Variants in CBR4 observed in about 807,000 individuals in gnomAD.
CBR4 encodes carbonyl reductase 4, also known as 3-oxoacyl-[acyl-carrier-protein] reductase.
A neutral mutation model predicts 21.0 loss-of-function variants in CBR4; 22 were observed. The observed-to-expected ratio is 1.05, with a 90% CI of 0.75 to 1.50. The LOEUF (loss-of-function observed/expected upper bound fraction) is 1.50, where lower values mean the gene tolerates loss of function less well. CBR4 is among the 40% of genes most tolerant of loss of function. The probability of loss-of-function intolerance (pLI) is 0.00; values close to 1 mark genes in which losing one functional copy is unlikely to be tolerated. For synonymous variants in CBR4, 100 were observed against 104.4 expected, an observed-to-expected ratio of 0.96 and a Z score of 0.26; for missense variants, 302 against 286.3, an observed-to-expected ratio of 1.05 and a Z score of -0.40.
At chr4:168,975,956 G>A (rs1764359379) in intron 2 of CBR4, among the ~76,000 whole-genome samples, 1 of 152,162 alleles carries the variant, frequency 6.6e-6, no homozygotes, top group East Asian at 1.9e-4. Context: ...TAACCGCACT[G>A]GAGTTATATC....
chr4:168,988,852 T>C lies in CBR4; in HGVS notation c.*1298A>G, dbSNP rs1050178867. ...TGTTATTACTTTGTATTTATTAGTA[T>C]ATCCTATTCATAATTTTGCACTGAC... On this transcript the variant is annotated 3_prime_UTR_variant, in exon 5 of 5. Transcript: ENST00000306193. The C allele has an allele frequency of 1.0e-6, 1 of 957,662 alleles. No homozygotes were observed. Among genetic ancestry groups the C allele is most frequent in the Non-Finnish European group, 1.2e-6 (1 of 804,576 alleles). The allele number at this position is 957,662 out of a possible 1,614,324, so 59.3% of individuals were successfully genotyped here.
At chr4:168,927,201 T>C (rs1762677938) in intron 2 of CBR4, 2 of 230,788 alleles carry the variant, frequency 8.7e-6, no homozygotes, top group Admixed American at 5.7e-5. Flanking sequence ...ATCAGGGGTT[T>C]GGAAGGAGTA....
intron 1 of CBR4, among the ~76,000 whole-genome samples, chr4:169,008,659 G>A (rs1560996328): frequency 6.6e-6 from 1 of 152,100 alleles, no homozygotes; most frequent in Non-Finnish European, 1.5e-5. Flanking sequence ...CTTACTCTTG[G>A]TTTTCACCCG....
chr4:169,009,059 CAAAAAA>C (rs34403282), intron 1 of CBR4: 2 of 360,064 alleles, frequency 5.6e-6, no homozygotes, highest in South Asian at 1.9e-5. Context: ...GAAGCCCTCT[CAAAAAA>C]AAAAAAAAAA....
At chr4:168,944,715 C>A (rs960097427) in intron 2 of CBR4, among the ~76,000 whole-genome samples, 2 of 152,098 alleles carry the variant, frequency 1.3e-5, no homozygotes, top group African/African-American at 4.8e-5. Flanking sequence ...ACAGATAATT[C>A]TTTTCGTGTT....
intron 4 of CBR4, among the ~76,000 whole-genome samples, chr4:169,000,992 G>C (rs1488430007): frequency 6.6e-6 from 1 of 151,680 alleles, no homozygotes; most frequent in Non-Finnish European, 1.5e-5. Context: ...AATTTTTATA[G>C]AGACAGGGTC....
chr4:168,924,356 C>T, intron 2 of CBR4: 1 of 1,613,752 alleles, frequency 6.2e-7, no homozygotes, highest in Non-Finnish European at 8.5e-7. Flanking sequence ...ATTGGGAGTG[C>T]CACCACCTCA....
At chr4:169,006,707 G>T in intron 3 of CBR4, 48 bp downstream of exon 3, 1 of 1,449,114 alleles carries the variant, frequency 6.9e-7, no homozygotes, top group Non-Finnish European at 9.5e-7. Flanking sequence ...ATATTTTTAT[G>T]GTATGGTATT....
chr4:168,946,654 T>C (rs1172391429), intron 2 of CBR4, among the ~76,000 whole-genome samples: 1 of 152,250 alleles, frequency 6.6e-6, no homozygotes. Flanking sequence ...TGTTAGCATG[T>C]AACGGGTTTA....
At position 169,010,063 on chromosome 4, in the gene CBR4, T is replaced by A; in HGVS notation, c.27A>T (p.Gly9=). 6.2e-7 allele frequency: 1 copy of A among 1,610,414 alleles called. No homozygotes were observed. The highest frequency in any genetic ancestry group is 8.5e-7 in the Non-Finnish European group (1 of 1,179,402). Residue 9 remains glycine, a synonymous_variant, in exon 1 of 5, where the codon GGA becomes GGT. Transcript: ENST00000306193. ...CAGCTCTGCCAATGCCTCGGGAGCC[T>A]CCAAAAACAGCACACACTTTGTCCA... MDKVCAVF[G]GSRGIGRAVA... is the part of the protein sequence containing the mutation.
At chr4:168,895,020 G>A (rs1007159992) in intron 2 of CBR4, among the ~76,000 whole-genome samples, 1 of 152,164 alleles carries the variant, frequency 6.6e-6, no homozygotes, top group African/African-American at 2.4e-5. Context: ...AATAACTAGT[G>A]AATATTTCCC....
intron 2 of CBR4, among the ~76,000 whole-genome samples, chr4:168,958,113 A>G (rs1763741443): frequency 6.6e-6 from 1 of 152,116 alleles, no homozygotes; most frequent in African/African-American, 2.4e-5. Context: ...AAAAATACAA[A>G]AACTAGCCAG....
chr4:168,948,614 G>A (rs997833906), intron 2 of CBR4, among the ~76,000 whole-genome samples: 1 of 152,058 alleles, frequency 6.6e-6, no homozygotes, highest in African/African-American at 2.4e-5. Context: ...ACCATTTGTT[G>A]AAAAGGGTAT....
In CBR4 at chr4:168,988,680, G is replaced by T; in HGVS notation, c.*1470C>A. On this transcript the variant is annotated 3_prime_UTR_variant, in exon 5 of 5. Transcript: ENST00000306193. ...ATATTACCACGTCTTGCATTTAATA[G>T]ACAATTTGTTTAATGATACTAACTT... The T allele has an allele frequency of 1.0e-6, 1 of 981,772 alleles. No individual in the cohort carries two copies. The allele number at this position is 981,772 out of a possible 1,614,324, so 60.8% of individuals were successfully genotyped here. A position where few individuals can be genotyped will look rare whatever the true frequency, so the allele number is the denominator to read the frequency against.
At chr4:168,941,711 C>A (rs1266750115) in intron 2 of CBR4, among the ~76,000 whole-genome samples, 1 of 152,186 alleles carries the variant, frequency 6.6e-6, no homozygotes, top group Admixed American at 6.5e-5. Flanking sequence ...TATTTCTCCA[C>A]AGTCGCCCCA....
Position 168,914,934 on chromosome 4 carries a change from A to C in CBR4, n.170-20169T>G, listed in dbSNP as rs541274962. On this transcript the variant is annotated intron_variant and non_coding_transcript_variant, in intron 2 of 3. Coordinates refer to the CBR4 transcript ENST00000509108. ...GATTTAATTCTAACTTCATCATGGCAATACCTATTCACAGGATGCTAGCCT... is the reference window on the plus strand; with the variant it reads ...GATTTAATTCTAACTTCATCATGGCCATACCTATTCACAGGATGCTAGCCT... Among the ~76,000 whole-genome samples the C allele has an allele frequency of 5.3e-5, 8 of 152,300 alleles. No individual in the cohort carries two copies. The South Asian group carries it at 1.7e-3, about 32-fold the overall frequency.
chr4:168,989,328 G>C lies in CBR4; in HGVS notation c.*822C>G, dbSNP rs1764805440. On this transcript the variant is annotated 3_prime_UTR_variant, in exon 5 of 5. Transcript: ENST00000306193. ...ATCTGTGCGGTTCACTACTGTACCA[G>C]GTATTAAAACCTTAAGGGCTAATCC... The C allele has an allele frequency of 1.0e-6, 1 of 985,292 alleles. No homozygotes were observed. The highest frequency in any genetic ancestry group is 1.7e-5 in the African/African-American group (1 of 57,318). 61.0% of individuals were successfully genotyped at this position (985,292 alleles called of 1,614,324 possible).
chr4:168,971,327 G>A lies in CBR4; in HGVS notation n.169+30744C>T, dbSNP rs140982195. Among the ~76,000 whole-genome samples the A allele has an allele frequency of 5.0e-3, 762 of 152,008 alleles. 4 individuals are homozygous for A. The highest frequency in any genetic ancestry group is 0.017 in the African/African-American group (710 of 41,432). Reference sequence around the variant, plus strand: ...TTTGTCACCCAGGCTGGAGTGCAGTGGTGCAACCCTGGCTCACTGCAACCT... The same window carrying A: ...TTTGTCACCCAGGCTGGAGTGCAGTAGTGCAACCCTGGCTCACTGCAACCT... On this transcript the variant is annotated intron_variant and non_coding_transcript_variant, in intron 2 of 3. Coordinates refer to the CBR4 transcript ENST00000509108.
At chr4:168,915,904 T>C in intron 2 of CBR4, 1 of 1,612,990 alleles carries the variant, frequency 6.2e-7, no homozygotes, top group Non-Finnish European at 8.5e-7. Flanking sequence ...GGCCTCGTTC[T>C]AGATCAAGGG....
Sources: allele counts gnomAD v4.1 joint callset (sites outside exome capture counted in the v4.1 genomes callset), GRCh38; gene constraint gnomAD v4.1.1; transcripts MANE v1.5; gene names NCBI Gene and HGNC (gene_info 2026-07-23, HGNC 2026-07-21).